PTPRT: variants seen among roughly 807,000 people sequenced by gnomAD.
The protein encoded by PTPRT is receptor-type tyrosine-protein phosphatase T.
Under a neutral mutation model 176.8 loss-of-function variants are expected in PTPRT, and 56 were observed. The observed-to-expected ratio is 0.32, with a 90% CI of 0.26 to 0.40. The LOEUF (loss-of-function observed/expected upper bound fraction) is 0.40. Among genes scored for constraint, PTPRT ranks in the 10% least tolerant of loss-of-function variants. The pLI, the probability that PTPRT is intolerant of heterozygous loss-of-function variation, is 1.00. For missense variants in PTPRT, 1,540 were observed against 1,908.2 expected (o/e 0.81, Z 3.60); for synonymous variants, 783 against 739.0 (o/e 1.06, Z -0.96).
chr20:42,953,411 C>A (rs1981384647), intron 1 of PTPRT, among the ~76,000 whole-genome samples: 1 of 152,240 alleles, frequency 6.6e-6, no homozygotes, highest in Non-Finnish European at 1.5e-5. Flanking sequence ...ATCTAACTAT[C>A]TCCAAGTGCC....
chr20:42,121,203 GA>G (rs1987571188), intron 19 of PTPRT, among the ~76,000 whole-genome samples: 1 of 152,196 alleles, frequency 6.6e-6, no homozygotes, highest in Non-Finnish European at 1.5e-5. Context: ...TCACTTGCTC[GA>G]TAATGATTTT....
intron 1 of PTPRT, among the ~76,000 whole-genome samples, chr20:42,996,371 G>A (rs1984224233): frequency 6.6e-6 from 1 of 152,188 alleles, no homozygotes. Flanking sequence ...CATATGAGAA[G>A]TGAGATTTGA....
chr20:42,931,276 G>T (rs145718470), intron 1 of PTPRT, among the ~76,000 whole-genome samples: 1 of 152,348 alleles, frequency 6.6e-6, no homozygotes, highest in East Asian at 1.9e-4. Flanking sequence ...AATGGGATTG[G>T]TGGAGGGTGA....
At chr20:42,381,621 A>T (rs184877826) in intron 9 of PTPRT, among the ~76,000 whole-genome samples, 310 of 152,228 alleles carry the variant, frequency 2.0e-3, no homozygotes, top group Non-Finnish European at 3.7e-3. Context: ...ACAGTGCTCA[A>T]TATATGTTTT....
chr20:42,657,345 A>G (rs1049041437), intron 7 of PTPRT, among the ~76,000 whole-genome samples: 4 of 152,086 alleles, frequency 2.6e-5, no homozygotes, highest in African/African-American at 4.8e-5. Flanking sequence ...CTCTTACTCA[A>G]TCCTTCAGAG....
intron 13 of PTPRT, among the ~76,000 whole-genome samples, chr20:42,261,507 C>T (rs150664552): frequency 6.6e-6 from 1 of 151,368 alleles, no homozygotes; most frequent in Non-Finnish European, 1.5e-5. Context: ...GAGTCATGAC[C>T]CACACAGCCT....
chr20:42,454,943 C>T (rs1430380783), intron 8 of PTPRT, among the ~76,000 whole-genome samples: 1 of 152,126 alleles, frequency 6.6e-6, no homozygotes, highest in Non-Finnish European at 1.5e-5. Context: ...GAGTTAATGC[C>T]CCGAAGACAT....
chr20:42,122,107 A>G (rs1463450812), intron 19 of PTPRT, among the ~76,000 whole-genome samples: 5 of 152,214 alleles, frequency 3.3e-5, no homozygotes, highest in Non-Finnish European at 2.9e-5. Context: ...CTAAAAGCCT[A>G]TACTTCACCA....
chr20:42,918,367 A>C (rs1978918589), intron 1 of PTPRT, among the ~76,000 whole-genome samples: 1 of 152,100 alleles, frequency 6.6e-6, no homozygotes, highest in African/African-American at 2.4e-5. Flanking sequence ...ATGATCCTTT[A>C]ACAAGGCCAG....
At chr20:42,370,405 C>T (rs1353633961) in intron 9 of PTPRT, among the ~76,000 whole-genome samples, 2 of 152,232 alleles carry the variant, frequency 1.3e-5, no homozygotes, top group Middle Eastern at 3.4e-3. Flanking sequence ...TGGACATGTC[C>T]CTGGCAGAGG....
chr20:42,979,099 C>T (rs185152608), intron 1 of PTPRT, among the ~76,000 whole-genome samples: 23 of 152,044 alleles, frequency 1.5e-4, no homozygotes, highest in Admixed American at 7.8e-4. Context: ...CAACGTAAAT[C>T]GAGAAAAAAT....
chr20:42,353,118 G>A (rs1335665434), intron 9 of PTPRT, among the ~76,000 whole-genome samples: 2 of 152,162 alleles, frequency 1.3e-5, no homozygotes, highest in South Asian at 2.1e-4. Flanking sequence ...ATTTGGACTA[G>A]CCACTGCTTT....
intron 4 of PTPRT, among the ~76,000 whole-genome samples, chr20:42,775,148 C>T (rs1202060472): frequency 6.6e-6 from 1 of 152,192 alleles, no homozygotes; most frequent in African/African-American, 2.4e-5. Context: ...AGATGGGATG[C>T]CACTGAATGG....
chr20:42,457,609 A>G (rs2070945709), intron 8 of PTPRT, among the ~76,000 whole-genome samples: 2 of 152,206 alleles, frequency 1.3e-5, no homozygotes, highest in African/African-American at 2.4e-5. Context: ...AATATTTCCA[A>G]CTCACAGGGA....
At chr20:42,588,724 G>C (rs547214243) in intron 7 of PTPRT, among the ~76,000 whole-genome samples, 20 of 152,236 alleles carry the variant, frequency 1.3e-4, no homozygotes, top group African/African-American at 4.6e-4. Flanking sequence ...TATATGGTTT[G>C]CAGGTCCAGA....
chr20:42,961,011 ACTAT>A (rs1407581819), intron 1 of PTPRT, among the ~76,000 whole-genome samples: 36 of 152,326 alleles, frequency 2.4e-4, no homozygotes, highest in African/African-American at 7.7e-4. Flanking sequence ...TAAATTTCAG[ACTAT>A]CTGTTTTGTG....
intron 7 of PTPRT, among the ~76,000 whole-genome samples, chr20:42,508,531 A>C (rs952363269): frequency 6.6e-6 from 1 of 152,200 alleles, no homozygotes; most frequent in Admixed American, 6.6e-5. Flanking sequence ...AAAAAATAGA[A>C]TAGCCCTTAC....
At chr20:42,481,054 T>G (rs1460864157) in intron 7 of PTPRT, among the ~76,000 whole-genome samples, 1 of 151,330 alleles carries the variant, frequency 6.6e-6, no homozygotes, top group Admixed American at 6.6e-5. Context: ...GGCCAGATAG[T>G]AAATATTTAA....
At chr20:42,511,721 G>C (rs1371897304) in intron 7 of PTPRT, among the ~76,000 whole-genome samples, 1 of 151,404 alleles carries the variant, frequency 6.6e-6, no homozygotes, top group Non-Finnish European at 1.5e-5. Context: ...AGTAATAACT[G>C]GTAAACACCC....
Sources: gnomAD v4.1 joint callset for allele counts (sites outside exome capture counted in the v4.1 genomes callset) on GRCh38, gnomAD v4.1.1 for gene constraint, MANE v1.5 for transcripts, NCBI Gene and HGNC (gene_info 2026-07-23, HGNC 2026-07-21) for gene names.